Variants in ATP8B4 observed in about 807,000 individuals in gnomAD.
The protein encoded by ATP8B4 is ATPase phospholipid transporting 8B4 (putative).
In ATP8B4, 133 loss-of-function variants were observed where a neutral mutation model predicts 145.6. The ratio of observed to expected loss-of-function variants is 0.91; its 90% CI spans 0.79 to 1.05. The LOEUF is 1.05. Ranked by LOEUF, ATP8B4 falls within the 50% of genes least tolerant of loss-of-function variation. The probability of loss-of-function intolerance (pLI) is 0.00; values close to 1 mark genes in which losing one functional copy is unlikely to be tolerated. For missense variants in ATP8B4, 1,458 were observed against 1,425.2 expected, an observed-to-expected ratio of 1.02 and a Z score of -0.37; for synonymous variants, 507 against 492.9, an observed-to-expected ratio of 1.03 and a Z score of -0.38.
intron 4 of ATP8B4, 124 bp downstream of exon 4, chr15:50,047,227 A>G: frequency 1.6e-6 from 1 of 641,594 alleles, no homozygotes; most frequent in Non-Finnish European, 2.7e-6. Flanking sequence ...AACAAGATTA[A>G]AAATCTGATA....
chr15:50,004,855 A>C (rs16963180), intron 7 of ATP8B4, among the ~76,000 whole-genome samples: 10,105 of 152,230 alleles, frequency 0.066, 364 homozygotes, highest in Non-Finnish European at 0.085. Flanking sequence ...TGTATAGTTT[A>C]ATAAAGGCAG....
At chr15:50,157,908 C>A (rs1340446790) in intron 1 of ATP8B4, among the ~76,000 whole-genome samples, 1 of 152,198 alleles carries the variant, frequency 6.6e-6, no homozygotes, top group Non-Finnish European at 1.5e-5. Flanking sequence ...GCGCGTGCCG[C>A]CACGCCTGAC....
intron 20 of ATP8B4, among the ~76,000 whole-genome samples, chr15:49,913,122 G>C (rs574607998): frequency 4.8e-5 from 6 of 124,928 alleles, no homozygotes; most frequent in Non-Finnish European, 9.8e-5. Context: ...CAGAGCACCT[G>C]GCTTTTTTTT....
intron 27 of ATP8B4, among the ~76,000 whole-genome samples, chr15:49,861,368 C>A (rs1338403211): frequency 6.6e-6 from 1 of 151,656 alleles, no homozygotes; most frequent in African/African-American, 2.4e-5. Context: ...ACACTTTGGT[C>A]CCAAAATGTC....
At chr15:50,151,245 A>G (rs1242922898) in intron 1 of ATP8B4, among the ~76,000 whole-genome samples, 2 of 152,228 alleles carry the variant, frequency 1.3e-5, no homozygotes, top group Non-Finnish European at 2.9e-5. Context: ...GTTACAATGT[A>G]ATAACAGGTG....
intron 2 of ATP8B4, among the ~76,000 whole-genome samples, chr15:50,087,300 TCTA>T (rs1285562310): frequency 2.0e-4 from 25 of 124,786 alleles, no homozygotes; most frequent in African/African-American, 7.6e-4. Context: ...TAGATCTATA[TCTA>T]TTATATATAA....
At chr15:49,923,337 G>T in intron 17 of ATP8B4, 42 bp downstream of exon 17, 2 of 1,382,822 alleles carry the variant, frequency 1.4e-6, no homozygotes, top group Non-Finnish European at 2.0e-6. Flanking sequence ...ATAGGAGATG[G>T]CAAAAGGGCC....
At chr15:50,156,092 A>AT (rs2044410345) in intron 1 of ATP8B4, among the ~76,000 whole-genome samples, 2 of 14,304 alleles carry the variant, frequency 1.4e-4, no homozygotes, top group African/African-American at 2.6e-4. Flanking sequence ...ATATATATAT[A>AT]AATATATATA....
intron 1 of ATP8B4, among the ~76,000 whole-genome samples, chr15:50,166,005 A>ACACACACACC (rs1340029857): frequency 6.9e-6 from 1 of 145,114 alleles, no homozygotes; most frequent in Non-Finnish European, 1.5e-5. Context: ...ACACACACAC[A>ACACACACACC]CACCTCATCT....
Position 49,860,281 on chromosome 15 carries a change from A to G in ATP8B4, c.3492T>C (p.Tyr1164=). 6.2e-7 allele frequency: 1 copy of G among 1,614,196 alleles called. No individual in the cohort carries two copies. Among genetic ancestry groups the G allele is most frequent in the South Asian group, 1.1e-5 (1 of 91,090 alleles). Reference sequence around the variant, plus strand: ...AATTTTCAATCCAGCTAGTGCTATTATAATGTGTCTTTTCCAGCCCTGATG... The same window carrying G: ...AATTTTCAATCCAGCTAGTGCTATTGTAATGTGTCTTTTCCAGCCCTGATG... ...PPTSGLEKTH[Y]NSTSWIENLC... Residue 1164 remains tyrosine (Y), a synonymous_variant, in exon 28 of 28, where the codon TAT becomes TAC. Coordinates refer to ENST00000284509, the MANE Select transcript of ATP8B4 (RefSeq NM_024837.4).
In ATP8B4 at chr15:50,002,969, T is replaced by C. The variant is rs571165826; in HGVS notation, c.436-746A>G. 7.2e-5 allele frequency among the ~76,000 whole-genome samples: 11 copies of C among 152,342 alleles called. No homozygotes were observed. The South Asian group carries it at 2.3e-3, about 32-fold the overall frequency. Reference sequence around the variant, plus strand: ...GCTCTCTAAATTGGCAAAGTGCTTATTGATTTTATTTCAAAGCTCTAAACT... The same window carrying C: ...GCTCTCTAAATTGGCAAAGTGCTTACTGATTTTATTTCAAAGCTCTAAACT... On this transcript the variant is annotated intron_variant, in intron 7 of 27. Coordinates refer to ENST00000284509, the MANE Select transcript of ATP8B4 (RefSeq NM_024837.4).
In ATP8B4 at chr15:49,860,417, C is replaced by T. The variant is rs761263040; in HGVS notation, c.3356G>A (p.Arg1119Gln). The T allele has an allele frequency of 1.3e-5, 21 of 1,613,900 alleles. No homozygotes were observed. The highest frequency in any genetic ancestry group is 1.0e-4 in the Admixed American group (6 of 59,990). Residue 1119 changes from arginine to glutamine, a missense_variant, in exon 28 of 28, where the codon CGG becomes CAG. Coordinates refer to ENST00000284509, the MANE Select transcript of ATP8B4 (RefSeq NM_024837.4). Reference protein sequence around the residue: ...KARPPSSRRPRTRRSSSRRSG... With the variant: ...KARPPSSRRPQTRRSSSRRSG... ...CCTTCTTGAGCTTGACCTGCGGGTC[C>T]GAGGCCTTCGGCTACTTGGAGGCCT...
intron 7 of ATP8B4, chr15:50,009,130 A>C (rs1461453445): frequency 1.3e-5 from 2 of 152,168 alleles, no homozygotes; most frequent in East Asian, 3.9e-4. Flanking sequence ...TTGAGAGTAG[A>C]ACTCGAATGA....
chr15:50,032,630 C>A (rs2050534744), intron 6 of ATP8B4, among the ~76,000 whole-genome samples: 2 of 152,030 alleles, frequency 1.3e-5, no homozygotes, highest in South Asian at 4.1e-4. Flanking sequence ...AAATTGAAAA[C>A]AAACATCCAA....
intron 7 of ATP8B4, among the ~76,000 whole-genome samples, chr15:50,006,912 T>A (rs927729730): frequency 2.0e-5 from 3 of 152,164 alleles, no homozygotes; most frequent in African/African-American, 7.2e-5. Flanking sequence ...TCCGGTGGTA[T>A]CAGGAACTCT....
chr15:50,085,963 T>TATGATATATATCATATA (rs1567331356), intron 2 of ATP8B4, among the ~76,000 whole-genome samples: 3 of 53,800 alleles, frequency 5.6e-5, no homozygotes, highest in Non-Finnish European at 9.3e-5. Context: ...TCATATATAT[T>TATGATATATATCATATA]TATATATGAT....
intron 6 of ATP8B4, among the ~76,000 whole-genome samples, chr15:50,014,826 G>A (rs1380377152): frequency 6.6e-6 from 1 of 152,122 alleles, no homozygotes; most frequent in Non-Finnish European, 1.5e-5. Flanking sequence ...ATAGGACACT[G>A]AGGTTCATAG....
At chr15:49,985,072 AGAAAGAAT>A (rs1284409318) in intron 10 of ATP8B4, among the ~76,000 whole-genome samples, 1 of 151,636 alleles carries the variant, frequency 6.6e-6, no homozygotes, top group Non-Finnish European at 1.5e-5. Context: ...GTAATAACAC[AGAAAGAAT>A]ACTTAATAAT....
intron 1 of ATP8B4, among the ~76,000 whole-genome samples, chr15:50,117,317 TG>T (rs1267443691): frequency 6.6e-5 from 10 of 152,222 alleles, no homozygotes; most frequent in Non-Finnish European, 1.5e-4. Context: ...CCCAAAGTGC[TG>T]GGATTACAGG....
Sources: allele counts gnomAD v4.1 joint callset (sites outside exome capture counted in the v4.1 genomes callset), GRCh38; gene constraint gnomAD v4.1.1; transcripts MANE v1.5; gene names NCBI Gene and HGNC (gene_info 2026-07-23, HGNC 2026-07-21).